CTBP2: variants seen among roughly 807,000 people sequenced by gnomAD.
The protein encoded by CTBP2 is C-terminal-binding protein 2.
A neutral mutation model predicts 80.3 loss-of-function variants in CTBP2; 30 were observed. The ratio of observed to expected loss-of-function variants is 0.37; its 90% CI spans 0.28 to 0.51. The LOEUF is 0.51. CTBP2 is among the 20% of genes least tolerant of loss of function. The pLI is 0.93. For missense variants in CTBP2, 1,212 were observed against 1,375.3 expected, an observed-to-expected ratio of 0.88 and a Z score of 1.88; for synonymous variants, 594 against 587.4, an observed-to-expected ratio of 1.01 and a Z score of -0.16.
At chr10:125,033,954 C>G (rs1461305903) in intron 3 of CTBP2, among the ~76,000 whole-genome samples, 1 of 152,106 alleles carries the variant, frequency 6.6e-6, no homozygotes, top group East Asian at 1.9e-4. Context: ...AGCTGCAGAA[C>G]CAAACTAGAA....
intron 2 of CTBP2, among the ~76,000 whole-genome samples, chr10:125,101,480 G>A (rs540581576): frequency 6.6e-6 from 1 of 152,354 alleles, no homozygotes; most frequent in South Asian, 2.1e-4. Flanking sequence ...GCTGGGATCA[G>A]CACACCCTCA....
chr10:125,080,254 G>C (rs971726454), intron 2 of CTBP2, among the ~76,000 whole-genome samples: 2 of 151,890 alleles, frequency 1.3e-5, no homozygotes. Flanking sequence ...AACTCACAAA[G>C]AGAAATACAC....
chr10:125,126,141 C>T (rs768574209), intron 1 of CTBP2, among the ~76,000 whole-genome samples: 1 of 151,096 alleles, frequency 6.6e-6, no homozygotes, highest in Non-Finnish European at 1.5e-5. Context: ...CCGCTGGACA[C>T]ACTTCGCAAT....
chr10:125,005,578 C>T lies in CTBP2; in HGVS notation c.1679-2086G>A, dbSNP rs755311007. The stretch of plus-strand genomic sequence containing the variant: ...ACGACCTGTATGAGTGGACAGGAAG[C>T]GTGCAGCACAAAGCTGGATACCCCC... On this transcript the variant is annotated intron_variant, in intron 1 of 8. Coordinates refer to ENST00000309035, the MANE Select transcript of CTBP2 (RefSeq NM_022802.3). 90 of 1,612,178 alleles carry T rather than the reference C, an allele frequency of 5.6e-5. 1 individual carries two copies. In the East Asian group the frequency reaches 1.2e-3, roughly 22 times the overall value.
chr10:125,044,535 G>A (rs1351952140), intron 2 of CTBP2, among the ~76,000 whole-genome samples: 1 of 152,270 alleles, frequency 6.6e-6, no homozygotes, highest in African/African-American at 2.4e-5. Context: ...TTCTTAGGAA[G>A]AGAGCTGGGT....
At chr10:125,143,470 T>C (rs1194336929) in intron 1 of CTBP2, among the ~76,000 whole-genome samples, 1 of 152,164 alleles carries the variant, frequency 6.6e-6, no homozygotes. Flanking sequence ...AGAGTGAGCC[T>C]CCATTTCAAA....
In CTBP2 at chr10:124,993,297, T is replaced by C. The variant is rs1015951973; in HGVS notation, c.2564A>G (p.Asn855Ser). ...GGCAGTGTGAGGAGTGCAGATGAGATTCGGGGCATCTTTCAACGGACCCTG... is the reference window on the plus strand; with the variant it reads ...GGCAGTGTGAGGAGTGCAGATGAGACTCGGGGCATCTTTCAACGGACCCTG... Residue 855 changes from asparagine (N) to serine (S), a missense_variant, in exon 7 of 9, where the codon AAT becomes AGT. Coordinates refer to ENST00000309035, the MANE Select transcript of CTBP2 (RefSeq NM_022802.3). 1 of 1,609,710 alleles carries C rather than the reference T, an allele frequency of 6.2e-7. No individual in the cohort carries two copies. Among genetic ancestry groups the C allele is most frequent in the African/African-American group, 1.3e-5 (1 of 74,820 alleles).
chr10:125,158,169 A>AGG (rs199975623), intron 1 of CTBP2, among the ~76,000 whole-genome samples: 12 of 151,252 alleles, frequency 7.9e-5, no homozygotes, highest in African/African-American at 2.9e-4. Context: ...TTAAAAAAAA[A>AGG]GGGGGGGGTT....
rs557015525 is a variant in CTBP2 at position 125,027,771 on chromosome 10, T to C, written c.-12A>G. 1.3e-6 allele frequency: 2 copies of C among 1,548,490 alleles called. No individual in the cohort carries two copies. The highest frequency in any genetic ancestry group is 1.7e-6 in the Non-Finnish European group (2 of 1,146,906). Reference sequence around the variant, plus strand: ...CTGGGAACTGGCATTGGAAAAAAAATGACTGCGGATGAGGCAGAGGAGAAG... The same window carrying C: ...CTGGGAACTGGCATTGGAAAAAAAACGACTGCGGATGAGGCAGAGGAGAAG... On this transcript the variant is annotated 5_prime_UTR_variant, in exon 1 of 9. Transcript: ENST00000309035.
chr10:125,024,412 C>A (rs184648055), intron 1 of CTBP2, among the ~76,000 whole-genome samples: 7 of 152,338 alleles, frequency 4.6e-5, no homozygotes, highest in Middle Eastern at 3.4e-3. Context: ...ATCCTCCGGT[C>A]TGTAAAACAT....
intron 1 of CTBP2, among the ~76,000 whole-genome samples, chr10:125,140,178 TCA>T (rs1360004909): frequency 3.3e-5 from 5 of 151,728 alleles, no homozygotes; most frequent in African/African-American, 7.3e-5. Flanking sequence ...GGCAGTTTGT[TCA>T]CAGACGACCA....
intron 1 of CTBP2, among the ~76,000 whole-genome samples, chr10:125,121,972 A>G (rs1854402930): frequency 6.6e-6 from 1 of 152,228 alleles, no homozygotes; most frequent in South Asian, 2.1e-4. Flanking sequence ...GCCAAACTCC[A>G]GACCAACCTG....
chr10:124,994,211 C>T (rs1197857353), intron 5 of CTBP2, among the ~76,000 whole-genome samples: 2 of 152,204 alleles, frequency 1.3e-5, no homozygotes, highest in African/African-American at 4.8e-5. Flanking sequence ...TGGACTGTGC[C>T]GAGCTGCTGG....
chr10:125,036,297 G>A (rs1434741915), intron 3 of CTBP2, among the ~76,000 whole-genome samples: 1 of 152,160 alleles, frequency 6.6e-6, no homozygotes, highest in Admixed American at 6.5e-5. Flanking sequence ...TACCTGGAGT[G>A]GGACCCTGGA....
rs377560261 is a variant in CTBP2 at position 125,106,892 on chromosome 10, C to T, written c.-102+4098G>A. The stretch of plus-strand genomic sequence containing the variant: ...CCAGACTCACCAGGAGAATGGAGGG[C>T]GTGACCCCTGTGTGACCCTGGACCC... On this transcript the variant is annotated intron_variant, in intron 2 of 10. Transcript: ENST00000337195. 2.8e-4 allele frequency among the ~76,000 whole-genome samples: 43 copies of T among 152,368 alleles called. No individual in the cohort carries two copies. The South Asian group carries it at 7.7e-3, about 27-fold the overall frequency.
chr10:125,152,035 T>C (rs1421333378), intron 1 of CTBP2, among the ~76,000 whole-genome samples: 1 of 151,736 alleles, frequency 6.6e-6, no homozygotes, highest in African/African-American at 2.4e-5. Context: ...GGGTGTCAGA[T>C]ACCGCGGCCC....
intron 3 of CTBP2, among the ~76,000 whole-genome samples, chr10:125,034,062 T>C (rs1958565294): frequency 6.6e-6 from 1 of 152,138 alleles, no homozygotes; most frequent in African/African-American, 2.4e-5. Context: ...CATGTTGCTA[T>C]TAGAAAAAAG....
Position 125,068,863 on chromosome 10 carries a change from A to C in CTBP2, c.-101-29708T>G, listed in dbSNP as rs565700515. ...CAGGGTTGCTTTGCCCTGCTGGGGG[A>C]ATCTGCCCCTGCTGTCTCCGAGGCC... On this transcript the variant is annotated intron_variant, in intron 2 of 10. Transcript: ENST00000337195. 2.6e-5 allele frequency among the ~76,000 whole-genome samples: 4 copies of C among 152,222 alleles called. No individual in the cohort carries two copies. The South Asian group carries it at 8.3e-4, about 32-fold the overall frequency.
chr10:125,006,962 TGTTCTTCCCACTTCACA>T, intron 1 of CTBP2, among the ~76,000 whole-genome samples: 1 of 152,382 alleles, frequency 6.6e-6, no homozygotes, highest in East Asian at 1.9e-4. Context: ...GCAGTGCTGC[TGTTCTTCCCACTTCACA>T]GCCCGGGAGT....
Sources: allele counts gnomAD v4.1 joint callset (sites outside exome capture counted in the v4.1 genomes callset), GRCh38; gene constraint gnomAD v4.1.1; transcripts MANE v1.5; gene names NCBI Gene and HGNC (gene_info 2026-07-23, HGNC 2026-07-21).